The following DDX46 variants were observed in gnomAD, a reference collection of about 807,000 sequenced individuals.
DDX46 encodes the protein probable ATP-dependent RNA helicase DDX46.
DDX46 carries 30 observed loss-of-function variants against 134.9 expected under a neutral mutation model. That is an observed-to-expected ratio of 0.22 (90% confidence interval 0.17 to 0.30). DDX46 has a LOEUF of 0.30. Ranked by LOEUF, DDX46 falls within the 10% of genes least tolerant of loss-of-function variation. DDX46 has a pLI of 1.00. For synonymous variants in DDX46, 415 were observed against 404.1 expected (o/e 1.03, Z -0.32); for missense variants, 622 against 1,248.7 (o/e 0.50, Z 7.56).
intron 4 of DDX46, 99 bp from the exon 5 acceptor site, chr5:134,773,597 C>A: frequency 1.5e-6 from 2 of 1,364,582 alleles, no homozygotes; most frequent in Non-Finnish European, 1.9e-6. Flanking sequence ...CTTCTTTATA[C>A]TTTGAAGAAC....
intron 1 of DDX46, among the ~76,000 whole-genome samples, chr5:134,760,990 A>G (rs920529444): frequency 2.6e-5 from 4 of 151,628 alleles, no homozygotes; most frequent in African/African-American, 7.3e-5. Flanking sequence ...CGGCCTCCCA[A>G]AGTTCTGGGA....
intron 15 of DDX46, 111 bp downstream of exon 15, chr5:134,796,261 A>T: frequency 1.7e-6 from 2 of 1,206,064 alleles, no homozygotes; most frequent in Non-Finnish European, 2.3e-6. Context: ...ACTAAATTTT[A>T]TGTCAGTTTT....
At chr5:134,768,558 TATC>T (rs1465540319) in intron 3 of DDX46, among the ~76,000 whole-genome samples, 2 of 150,908 alleles carry the variant, frequency 1.3e-5, no homozygotes, top group Non-Finnish European at 2.9e-5. Context: ...TGCCAGAGAG[TATC>T]TTCTTCTTCA....
intron 6 of DDX46, among the ~76,000 whole-genome samples, chr5:134,780,230 G>A (rs1257884361): frequency 6.7e-6 from 1 of 150,330 alleles, no homozygotes; most frequent in Non-Finnish European, 1.5e-5. Flanking sequence ...ATGTGTGTGC[G>A]TATATGTGTA....
intron 12 of DDX46, chr5:134,789,275 T>C (rs760946578): frequency 5.3e-5 from 8 of 152,224 alleles, no homozygotes; most frequent in Non-Finnish European, 1.0e-4. Context: ...GTAGGTAATT[T>C]AATGCTGTTC....
At chr5:134,773,259 T>A (rs562779245) in intron 4 of DDX46, among the ~76,000 whole-genome samples, 2 of 152,334 alleles carry the variant, frequency 1.3e-5, no homozygotes, top group African/African-American at 4.8e-5. Context: ...ATCATGTTGA[T>A]GTCGTTTATT....
At chr5:134,826,041 G>A (rs75785194) in intron 21 of DDX46, 5 of 152,184 alleles carry the variant, frequency 3.3e-5, no homozygotes, top group Non-Finnish European at 7.4e-5. Flanking sequence ...CCTCAAAAGT[G>A]TGCTCTTGTG....
At chr5:134,795,259 C>T (rs1194426898) in intron 14 of DDX46, among the ~76,000 whole-genome samples, 2 of 134,146 alleles carry the variant, frequency 1.5e-5, no homozygotes, top group South Asian at 2.2e-4. Flanking sequence ...TGCCTGAAGT[C>T]GCAGCTTTGC....
chr5:134,765,593 C>A (rs1417700812), intron 2 of DDX46, among the ~76,000 whole-genome samples: 1 of 151,876 alleles, frequency 6.6e-6, no homozygotes, highest in African/African-American at 2.4e-5. Flanking sequence ...GCACACCACA[C>A]CCAGCCAATT....
At chr5:134,773,500 C>T (rs1416614616) in intron 4 of DDX46, among the ~76,000 whole-genome samples, 196 bp from the exon 5 acceptor site, 1 of 151,932 alleles carries the variant, frequency 6.6e-6, no homozygotes, top group Non-Finnish European at 1.5e-5. Flanking sequence ...TTTGTGATTT[C>T]ATTTTGGTAA....
intron 15 of DDX46, chr5:134,797,121 T>G (rs1461930668): frequency 1.1e-5 from 2 of 189,146 alleles, no homozygotes; most frequent in African/African-American, 6.1e-5. Context: ...GAGCGGAGAT[T>G]GCACCATTGC....
At chr5:134,798,108 G>A (rs1434169696) in intron 15 of DDX46, among the ~76,000 whole-genome samples, 2 of 151,878 alleles carry the variant, frequency 1.3e-5, no homozygotes, top group Non-Finnish European at 2.9e-5. Context: ...CACCGTGCCC[G>A]GCCCGAAAAT....
intron 1 of DDX46, among the ~76,000 whole-genome samples, chr5:134,760,976 G>A (rs559225292): frequency 1.4e-4 from 22 of 152,078 alleles, no homozygotes; most frequent in African/African-American, 3.4e-4. Flanking sequence ...TGATCCACCC[G>A]CCTCGGCCTC....
chr5:134,776,849 G>A (rs757013016), intron 5 of DDX46, among the ~76,000 whole-genome samples: 1 of 151,192 alleles, frequency 6.6e-6, no homozygotes, highest in Non-Finnish European at 1.5e-5. Context: ...GGATATCAGA[G>A]GTTGCAGTAA....
At chr5:134,802,261 TTCAAG>T in intron 15 of DDX46, among the ~76,000 whole-genome samples, 1 of 150,480 alleles carries the variant, frequency 6.6e-6, no homozygotes, top group East Asian at 1.9e-4. Context: ...GCCTCCCAGG[TTCAAG>T]TGATTTTTGT....
chr5:134,798,031 C>A, intron 15 of DDX46, among the ~76,000 whole-genome samples: 1 of 152,020 alleles, frequency 6.6e-6, no homozygotes, highest in South Asian at 2.1e-4. Context: ...AGGCTGGTCT[C>A]GAACTGCCGA....
chr5:134,766,373 C>CA (rs1214998303), intron 2 of DDX46, among the ~76,000 whole-genome samples: 1 of 151,998 alleles, frequency 6.6e-6, no homozygotes, highest in East Asian at 1.9e-4. Context: ...GCCTGACCAA[C>CA]ATGGAGAAAC....
At chr5:134,782,796 C>A in intron 8 of DDX46, 149 bp from the exon 9 acceptor site, 1 of 929,852 alleles carries the variant, frequency 1.1e-6, no homozygotes, top group Non-Finnish European at 1.5e-6. Context: ...CTGCGTCTGT[C>A]TCCCAAAGTG....
intron 11 of DDX46, among the ~76,000 whole-genome samples, chr5:134,788,051 T>G (rs1754393135): frequency 6.6e-6 from 1 of 151,232 alleles, no homozygotes; most frequent in South Asian, 2.1e-4. Flanking sequence ...AAAAGCTGAT[T>G]ATGACTGTTA....
Sources: allele counts gnomAD v4.1 joint callset (sites outside exome capture counted in the v4.1 genomes callset), GRCh38; gene constraint gnomAD v4.1.1; transcripts MANE v1.5; gene names NCBI Gene and HGNC (gene_info 2026-07-23, HGNC 2026-07-21).